The following MACROD2 variants were observed in gnomAD, a reference collection of about 807,000 sequenced individuals.
MACROD2 encodes ADP-ribose glycohydrolase MACROD2.
A neutral mutation model predicts 70.4 loss-of-function variants in MACROD2; 36 were observed. The observed-to-expected ratio is 0.51, with a 90% CI of 0.39 to 0.68. The LOEUF (loss-of-function observed/expected upper bound fraction) is 0.68, where lower values mean the gene tolerates loss of function less well. MACROD2 is among the 30% of genes least tolerant of loss of function. MACROD2 has a pLI of 0.00. For missense variants in MACROD2, 496 were observed against 538.4 expected (o/e 0.92, Z 0.78); for synonymous variants, 172 against 178.8 (o/e 0.96, Z 0.30).
intron 5 of MACROD2, among the ~76,000 whole-genome samples, chr20:15,063,091 C>T (rs1241208272): frequency 2.6e-5 from 4 of 152,176 alleles, no homozygotes; most frequent in Non-Finnish European, 5.9e-5. Context: ...TTATCTGCTT[C>T]ACTCACTCAT....
At chr20:15,724,559 T>C (rs1394440444) in intron 8 of MACROD2, among the ~76,000 whole-genome samples, 2 of 152,228 alleles carry the variant, frequency 1.3e-5, no homozygotes, top group Non-Finnish European at 2.9e-5. Flanking sequence ...TTCTATTGTA[T>C]TTCCTTTGCT....
At chr20:15,241,762 CA>C (rs200361392) in intron 6 of MACROD2, among the ~76,000 whole-genome samples, 14,679 of 92,576 alleles carry the variant, frequency 0.16, 1,121 homozygotes, top group Admixed American at 0.28. Flanking sequence ...GTATTTCTCT[CA>C]AAAAAAAAAA....
At chr20:15,512,118 G>T (rs1269960609) in intron 8 of MACROD2, among the ~76,000 whole-genome samples, 2 of 152,240 alleles carry the variant, frequency 1.3e-5, no homozygotes, top group Non-Finnish European at 2.9e-5. Flanking sequence ...CTTCTAACAA[G>T]GGGTTAGGAG....
intron 4 of MACROD2, among the ~76,000 whole-genome samples, chr20:14,647,868 T>C (rs948889809): frequency 1.3e-5 from 2 of 152,112 alleles, no homozygotes; most frequent in Admixed American, 1.3e-4. Context: ...TACCTTCATG[T>C]TACTCTTCTC....
intron 5 of MACROD2, among the ~76,000 whole-genome samples, chr20:15,228,938 T>G (rs2076935702): frequency 6.6e-6 from 1 of 152,244 alleles, no homozygotes; most frequent in African/African-American, 2.4e-5. Context: ...ATAATTTCGT[T>G]ATAATACTCC....
intron 3 of MACROD2, among the ~76,000 whole-genome samples, chr20:14,363,591 T>A (rs1034484940): frequency 2.0e-5 from 3 of 149,998 alleles, no homozygotes; most frequent in Non-Finnish European, 4.4e-5. Context: ...GAGGCCGAGG[T>A]GGGCGGATCA....
chr20:15,268,822 T>A (rs911461668), intron 6 of MACROD2, among the ~76,000 whole-genome samples: 4 of 152,158 alleles, frequency 2.6e-5, no homozygotes, highest in African/African-American at 9.7e-5. Flanking sequence ...TGATTGACCT[T>A]CCTTCCTTCA....
At chr20:15,214,534 A>G (rs2076792197) in intron 5 of MACROD2, among the ~76,000 whole-genome samples, 1 of 152,214 alleles carries the variant, frequency 6.6e-6, no homozygotes, top group Non-Finnish European at 1.5e-5. Flanking sequence ...AAAAAACAAA[A>G]CAAAATGAAA....
chr20:14,572,000 C>T (rs112672931), intron 4 of MACROD2, among the ~76,000 whole-genome samples: 15 of 152,100 alleles, frequency 9.9e-5, no homozygotes, highest in South Asian at 4.1e-4. Context: ...TAGTTATGTT[C>T]GGTTTGGAAG....
At chr20:15,379,916 C>T (rs532788735) in intron 6 of MACROD2, among the ~76,000 whole-genome samples, 2 of 152,278 alleles carry the variant, frequency 1.3e-5, no homozygotes, top group East Asian at 1.9e-4. Flanking sequence ...CAAGGCTCTG[C>T]GTATTGTGAA....
At chr20:16,026,007 G>A (rs74179798) in intron 15 of MACROD2, among the ~76,000 whole-genome samples, 1 of 150,272 alleles carries the variant, frequency 6.7e-6, no homozygotes, top group Non-Finnish European at 1.5e-5. Flanking sequence ...AGAAAAATTA[G>A]CTGGGCGTGG....
At chr20:14,693,466 G>A (rs375523565) in intron 5 of MACROD2, among the ~76,000 whole-genome samples, 1 of 152,096 alleles carries the variant, frequency 6.6e-6, no homozygotes, top group Admixed American at 6.5e-5. Context: ...GAGTAAAAGT[G>A]TAGATTTTTT....
At chr20:14,369,809 A>G (rs368361004) in intron 3 of MACROD2, among the ~76,000 whole-genome samples, 423 of 152,318 alleles carry the variant, frequency 2.8e-3, no homozygotes, top group Middle Eastern at 0.014. Flanking sequence ...ATAAAAAAAG[A>G]TGCATTCAAA....
At chr20:15,548,204 A>T (rs559019971) in intron 8 of MACROD2, among the ~76,000 whole-genome samples, 197 of 152,298 alleles carry the variant, frequency 1.3e-3, no homozygotes, top group Non-Finnish European at 2.2e-3. Flanking sequence ...TATGAAATTA[A>T]TCTAGCCTTT....
At chr20:15,747,170 G>T (rs1205693264) in intron 8 of MACROD2, among the ~76,000 whole-genome samples, 2 of 152,128 alleles carry the variant, frequency 1.3e-5, no homozygotes, top group East Asian at 3.9e-4. Context: ...GGAGGTCTCA[G>T]CACCTGAGAA....
intron 4 of MACROD2, among the ~76,000 whole-genome samples, chr20:14,516,250 T>C (rs1464594751): frequency 2.0e-5 from 3 of 151,922 alleles, no homozygotes; most frequent in African/African-American, 4.8e-5. Flanking sequence ...TTTTTAAAAA[T>C]GTAATTTTTC....
intron 5 of MACROD2, among the ~76,000 whole-genome samples, chr20:14,951,968 TG>T (rs2074479895): frequency 6.6e-6 from 1 of 151,724 alleles, no homozygotes; most frequent in South Asian, 2.1e-4. Flanking sequence ...ATAGCTGTTG[TG>T]GGGAAATAAG....
intron 3 of MACROD2, among the ~76,000 whole-genome samples, chr20:14,351,193 A>G (rs559684914): frequency 8.5e-5 from 13 of 152,116 alleles, no homozygotes; most frequent in South Asian, 8.3e-4. Context: ...GGTTCCTTCA[A>G]CTACTTTTCT....
chr20:15,155,524 T>C (rs1272640552), intron 5 of MACROD2, among the ~76,000 whole-genome samples: 2 of 152,180 alleles, frequency 1.3e-5, no homozygotes, highest in African/African-American at 4.8e-5. Flanking sequence ...TTTCTTCAGA[T>C]TCATCTTCTT....
Sources: allele counts gnomAD v4.1 joint callset (sites outside exome capture counted in the v4.1 genomes callset), GRCh38; gene constraint gnomAD v4.1.1; transcripts MANE v1.5; gene names NCBI Gene and HGNC (gene_info 2026-07-23, HGNC 2026-07-21).